CDH20: variants seen among roughly 807,000 people sequenced by gnomAD.
CDH20 encodes cadherin-20.
Under a neutral mutation model 74.2 loss-of-function variants are expected in CDH20, and 29 were observed. That is an observed-to-expected ratio of 0.39 (90% CI 0.29 to 0.53). CDH20 has a LOEUF of 0.53. CDH20 is among the 20% of genes least tolerant of loss of function. The pLI is 0.69. For missense variants in CDH20, 988 were observed against 1,048.3 expected (o/e 0.94, Z 0.79); for synonymous variants, 469 against 405.4 (o/e 1.16, Z -1.88).
At position 61,503,071 on chromosome 18, in the gene CDH20, C is replaced by G. The variant is rs595093; in HGVS notation, c.780C>G (p.Val260=). ...QLGGLAGTTT[V]NITLSDVNDN... is the part of the protein sequence containing the mutation. Reference sequence around the variant, plus strand: ...GAGGATTAGCTGGGACCACAACAGTCAACATCACCCTCTCAGATGTCAATG... The same window carrying G: ...GAGGATTAGCTGGGACCACAACAGTGAACATCACCCTCTCAGATGTCAATG... Residue 260 remains valine, a synonymous_variant, in exon 5 of 12, where the codon GTC becomes GTG. Transcript: ENST00000262717. 1 allele frequency: 1,612,510 copies of G among 1,613,898 alleles called. 805,570 individuals carry two copies. Among genetic ancestry groups the G allele is most frequent in the East Asian group, 1 (44,862 of 44,862 alleles).
At chr18:61,480,415 AT>A (rs1490911675) in intron 1 of CDH20, among the ~76,000 whole-genome samples, 3 of 152,170 alleles carry the variant, frequency 2.0e-5, no homozygotes, top group African/African-American at 7.2e-5. Context: ...GCTTGATTTT[AT>A]ACATTTTAGG....
At chr18:61,503,956 T>C (rs1911473888) in intron 5 of CDH20, among the ~76,000 whole-genome samples, 1 of 152,166 alleles carries the variant, frequency 6.6e-6, no homozygotes, top group South Asian at 2.1e-4. Flanking sequence ...ATTCTATGAA[T>C]GGAACACAAA....
At chr18:61,488,655 C>A (rs574200264) in intron 1 of CDH20, among the ~76,000 whole-genome samples, 2 of 152,326 alleles carry the variant, frequency 1.3e-5, no homozygotes, top group East Asian at 3.9e-4. Context: ...TTGTGTCTTA[C>A]AATATACAGA....
intron 1 of CDH20, among the ~76,000 whole-genome samples, chr18:61,424,452 T>C (rs1165946674): frequency 6.6e-6 from 1 of 152,192 alleles, no homozygotes; most frequent in Non-Finnish European, 1.5e-5. Context: ...TAGCACTGAT[T>C]ATTATTTGTG....
At chr18:61,513,868 C>A (rs551129296) in intron 6 of CDH20, among the ~76,000 whole-genome samples, 1 of 152,012 alleles carries the variant, frequency 6.6e-6, no homozygotes, top group Non-Finnish European at 1.5e-5. Flanking sequence ...CCGAGAGATC[C>A]GCTATTAGTC....
chr18:61,376,256 C>T (rs527587781), intron 1 of CDH20, among the ~76,000 whole-genome samples: 1 of 151,982 alleles, frequency 6.6e-6, no homozygotes, highest in African/African-American at 2.4e-5. Flanking sequence ...CAACAAATCC[C>T]TTAATTTAAA....
At chr18:61,489,669 G>T (rs561990444) in intron 1 of CDH20, among the ~76,000 whole-genome samples, 15 of 152,032 alleles carry the variant, frequency 9.9e-5, no homozygotes, top group Non-Finnish European at 1.9e-4. Flanking sequence ...CTCTTAGCTT[G>T]CTCCCATAGG....
intron 5 of CDH20, among the ~76,000 whole-genome samples, chr18:61,504,088 A>C (rs1416536201): frequency 6.6e-6 from 1 of 152,114 alleles, no homozygotes; most frequent in African/African-American, 2.4e-5. Flanking sequence ...ACGTTCAAAG[A>C]CTCCTAAAAT....
intron 1 of CDH20, among the ~76,000 whole-genome samples, chr18:61,347,359 T>C (rs910233413): frequency 2.9e-5 from 4 of 135,608 alleles, no homozygotes; most frequent in African/African-American, 1.2e-4. Flanking sequence ...CACATATATA[T>C]ATACACAAAA....
chr18:61,426,338 A>G (rs1004568797), intron 1 of CDH20, among the ~76,000 whole-genome samples: 8 of 152,188 alleles, frequency 5.3e-5, no homozygotes, highest in African/African-American at 9.7e-5. Context: ...AAGAAATATA[A>G]TACGGTGTAC....
chr18:61,475,743 C>G lies in CDH20; in HGVS notation c.-152-14659C>G, dbSNP rs144593296. On this transcript the variant is annotated intron_variant, in intron 1 of 11. Coordinates refer to ENST00000262717, the MANE Select transcript of CDH20 (RefSeq NM_031891.4). ...ATTGATAATAATTCTCCACTAAGTA[C>G]TGAACCATCAGGATGTTTTCTCTTT... Among the ~76,000 whole-genome samples, 763 of 152,286 alleles carry G rather than the reference C, an allele frequency of 5.0e-3. 4 individuals carry two copies. The highest frequency in any genetic ancestry group is 8.7e-3 in the Non-Finnish European group (590 of 68,020).
chr18:61,406,372 G>A (rs971741100), intron 1 of CDH20, among the ~76,000 whole-genome samples: 1 of 152,096 alleles, frequency 6.6e-6, no homozygotes, highest in Non-Finnish European at 1.5e-5. Flanking sequence ...TCACTCATTT[G>A]TTCATTCTAC....
At chr18:61,417,482 G>T (rs1363014959) in intron 1 of CDH20, among the ~76,000 whole-genome samples, 3 of 146,076 alleles carry the variant, frequency 2.1e-5, no homozygotes, top group Admixed American at 7.1e-5. Flanking sequence ...CTTGTAATTT[G>T]CAACAACATG....
intron 1 of CDH20, among the ~76,000 whole-genome samples, chr18:61,376,303 TA>T (rs1290621705): frequency 6.6e-6 from 1 of 152,138 alleles, no homozygotes; most frequent in Non-Finnish European, 1.5e-5. Context: ...GTTGAATTTT[TA>T]CATGTACATT....
chr18:61,408,426 TG>T (rs1438913623), intron 1 of CDH20, among the ~76,000 whole-genome samples: 1 of 152,230 alleles, frequency 6.6e-6, no homozygotes, highest in Non-Finnish European at 1.5e-5. Context: ...GGTTTTAGGC[TG>T]GATGATCTCT....
At chr18:61,548,757 A>G (rs567426520) in intron 10 of CDH20, among the ~76,000 whole-genome samples, 1 of 152,354 alleles carries the variant, frequency 6.6e-6, no homozygotes, top group African/African-American at 2.4e-5. Context: ...GCAAGGAAAG[A>G]GCATGGAGAC....
At chr18:61,515,333 G>A (rs1349693561) in intron 6 of CDH20, among the ~76,000 whole-genome samples, 1 of 152,152 alleles carries the variant, frequency 6.6e-6, no homozygotes, top group Admixed American at 6.5e-5. Context: ...CTTCCCAAGT[G>A]AGGCAATGCC....
intron 1 of CDH20, among the ~76,000 whole-genome samples, chr18:61,401,570 C>T (rs1368291845): frequency 6.6e-6 from 1 of 152,064 alleles, no homozygotes; most frequent in Non-Finnish European, 1.5e-5. Context: ...TTATAATATC[C>T]CTGACTTCAG....
chr18:61,490,337 A>G (rs1471796521), intron 1 of CDH20, 65 bp from the exon 2 acceptor site: 3 of 509,660 alleles, frequency 5.9e-6, no homozygotes, highest in Non-Finnish European at 1.1e-5. Context: ...ATTTCTTGAA[A>G]ACTTGCAACC....
Sources: gnomAD v4.1 joint callset for allele counts (sites outside exome capture counted in the v4.1 genomes callset) on GRCh38, gnomAD v4.1.1 for gene constraint, MANE v1.5 for transcripts, NCBI Gene and HGNC (gene_info 2026-07-23, HGNC 2026-07-21) for gene names.